The following CNTN5 variants were observed in gnomAD, a reference collection of about 807,000 sequenced individuals.
CNTN5 encodes contactin 5.
CNTN5 carries 77 observed loss-of-function variants against 129.1 expected under a neutral mutation model. The ratio of observed to expected loss-of-function variants is 0.60; its 90% confidence interval spans 0.50 to 0.72. The LOEUF is 0.72. Ranked by LOEUF, CNTN5 falls within the 30% of genes least tolerant of loss-of-function variation. The pLI is 0.00. For missense variants in CNTN5, 1,478 were observed against 1,328.8 expected, an observed-to-expected ratio of 1.11 and a Z score of -1.75; for synonymous variants, 509 against 465.6, an observed-to-expected ratio of 1.09 and a Z score of -1.20.
chr11:99,846,388 G>A (rs1423202032), intron 6 of CNTN5, among the ~76,000 whole-genome samples: 2 of 145,760 alleles, frequency 1.4e-5, no homozygotes, highest in Non-Finnish European at 3.0e-5. Flanking sequence ...AAAGAAGTGT[G>A]TATATATAAT....
chr11:99,099,124 T>C (rs770252577), intron 1 of CNTN5, among the ~76,000 whole-genome samples: 1 of 152,098 alleles, frequency 6.6e-6, no homozygotes, highest in East Asian at 1.9e-4. Flanking sequence ...TCAATTACAT[T>C]GCACAGAAAT....
At chr11:99,318,459 C>T (rs887357782) in intron 1 of CNTN5, among the ~76,000 whole-genome samples, 2 of 151,788 alleles carry the variant, frequency 1.3e-5, no homozygotes, top group Non-Finnish European at 2.9e-5. Context: ...CATGTCAAAA[C>T]AAAAACTTCA....
At chr11:100,192,024 T>C (rs1948508862) in intron 14 of CNTN5, among the ~76,000 whole-genome samples, 1 of 151,984 alleles carries the variant, frequency 6.6e-6, no homozygotes. Context: ...AAAATAAAAA[T>C]GTAATTAATA....
chr11:99,210,456 T>C (rs1171022494), intron 1 of CNTN5, among the ~76,000 whole-genome samples: 1 of 152,104 alleles, frequency 6.6e-6, no homozygotes, highest in Non-Finnish European at 1.5e-5. Context: ...TAGAGAAGAA[T>C]TCAGAGGGAG....
chr11:100,075,306 A>T (rs968619230), intron 13 of CNTN5, among the ~76,000 whole-genome samples: 6 of 152,084 alleles, frequency 3.9e-5, no homozygotes, highest in African/African-American at 1.4e-4. Context: ...AGACCCAAAG[A>T]TCTATGCTTC....
intron 2 of CNTN5, among the ~76,000 whole-genome samples, chr11:99,377,608 G>T (rs988759519): frequency 2.0e-5 from 3 of 152,032 alleles, no homozygotes; most frequent in African/African-American, 4.8e-5. Flanking sequence ...AACAATCGCT[G>T]ATATTGACAT....
intron 6 of CNTN5, among the ~76,000 whole-genome samples, chr11:99,858,167 C>G (rs775216137): frequency 6.6e-5 from 10 of 152,056 alleles, no homozygotes; most frequent in Non-Finnish European, 1.5e-4. Context: ...AGAGAATTGT[C>G]TTTCCTAGCT....
intron 1 of CNTN5, among the ~76,000 whole-genome samples, chr11:99,204,803 G>A (rs150117880): frequency 6.6e-6 from 1 of 152,294 alleles, no homozygotes; most frequent in Non-Finnish European, 1.5e-5. Context: ...AGCTGGCGTG[G>A]AGGTATTCAG....
At chr11:99,644,880 T>G (rs949951293) in intron 3 of CNTN5, among the ~76,000 whole-genome samples, 2 of 152,098 alleles carry the variant, frequency 1.3e-5, no homozygotes, top group Admixed American at 6.5e-5. Flanking sequence ...AGCTTTAGAT[T>G]CTTATATGTA....
intron 1 of CNTN5, among the ~76,000 whole-genome samples, chr11:99,021,802 T>C (rs562512012): frequency 9.7e-4 from 147 of 152,314 alleles, no homozygotes; most frequent in Non-Finnish European, 1.6e-3. Flanking sequence ...GTATCTTGGA[T>C]TATGCTGAGC....
At chr11:100,226,040 C>A (rs1422381912) in intron 16 of CNTN5, among the ~76,000 whole-genome samples, 2 of 152,004 alleles carry the variant, frequency 1.3e-5, no homozygotes. Flanking sequence ...TGTTTCTGTT[C>A]AGAAGGCTAC....
chr11:99,465,885 T>A (rs1944915739), intron 2 of CNTN5, among the ~76,000 whole-genome samples: 1 of 147,092 alleles, frequency 6.8e-6, no homozygotes, highest in South Asian at 2.2e-4. Flanking sequence ...TTTTTTTTTT[T>A]TTTTTTTTTC....
intron 1 of CNTN5, among the ~76,000 whole-genome samples, chr11:99,061,818 C>T (rs1434535817): frequency 6.6e-6 from 1 of 151,696 alleles, no homozygotes; most frequent in Non-Finnish European, 1.5e-5. Context: ...ATAGTGAGAC[C>T]CTGTCTCAAC....
intron 20 of CNTN5, among the ~76,000 whole-genome samples, chr11:100,301,572 T>C (rs1951220848): frequency 6.6e-6 from 1 of 151,656 alleles, no homozygotes; most frequent in Non-Finnish European, 1.5e-5. Context: ...GTTCTGACAC[T>C]GAAATTCAAG....
At chr11:99,917,270 C>G (rs913414435) in intron 7 of CNTN5, among the ~76,000 whole-genome samples, 11 of 152,052 alleles carry the variant, frequency 7.2e-5, no homozygotes, top group African/African-American at 2.7e-4. Context: ...GTACACCAGT[C>G]CAGTTATTCT....
chr11:99,525,152 T>G (rs1468349400), intron 2 of CNTN5, among the ~76,000 whole-genome samples: 1 of 152,086 alleles, frequency 6.6e-6, no homozygotes, highest in East Asian at 1.9e-4. Context: ...GGGAGGCTTT[T>G]TTTTTACATT....
intron 3 of CNTN5, among the ~76,000 whole-genome samples, chr11:99,618,584 G>A (rs1950831848): frequency 6.6e-6 from 1 of 152,162 alleles, no homozygotes; most frequent in African/African-American, 2.4e-5. Flanking sequence ...CTCAATAGAT[G>A]TTGCCATTAT....
intron 21 of CNTN5, among the ~76,000 whole-genome samples, chr11:100,319,725 C>T (rs1405003587): frequency 1.3e-5 from 2 of 152,080 alleles, no homozygotes; most frequent in Admixed American, 6.6e-5. Flanking sequence ...TCATTCTCAC[C>T]CTGATAAACA....
intron 21 of CNTN5, among the ~76,000 whole-genome samples, chr11:100,311,933 G>T (rs551790614): frequency 2.0e-5 from 3 of 151,948 alleles, no homozygotes; most frequent in Non-Finnish European, 2.9e-5. Context: ...AAGCAAAAAT[G>T]GAATATATTT....
Sources: allele counts gnomAD v4.1 joint callset (sites outside exome capture counted in the v4.1 genomes callset), GRCh38; gene constraint gnomAD v4.1.1; transcripts MANE v1.5; gene names NCBI Gene and HGNC (gene_info 2026-07-23, HGNC 2026-07-21).